The following ERG variants were observed in gnomAD, a reference collection of about 807,000 sequenced individuals.
The protein encoded by ERG is transcriptional regulator ERG.
ERG carries 9 observed loss-of-function variants against 55.3 expected under a neutral mutation model. The ratio of observed to expected loss-of-function variants is 0.16; its 90% CI spans 0.10 to 0.28. The LOEUF is 0.28. Among genes scored for constraint, ERG ranks in the 10% least tolerant of loss-of-function variants. The probability of loss-of-function intolerance (pLI) is 1.00; values close to 1 mark genes in which losing one functional copy is unlikely to be tolerated. For synonymous variants in ERG, 223 were observed against 237.3 expected (o/e 0.94, Z 0.55); for missense variants, 434 against 631.6 (o/e 0.69, Z 3.35).
At chr21:38,519,766 C>A (rs1424781745) in intron 2 of ERG, among the ~76,000 whole-genome samples, 2 of 152,156 alleles carry the variant, frequency 1.3e-5, no homozygotes, top group African/African-American at 4.8e-5. Context: ...CACCAGAAGT[C>A]ACCTACAAGA....
At chr21:38,548,796 T>C (rs565229990) in intron 2 of ERG, among the ~76,000 whole-genome samples, 1 of 147,806 alleles carries the variant, frequency 6.8e-6, no homozygotes, top group South Asian at 2.2e-4. Context: ...AACTGAACAG[T>C]TATTTGTAGA....
In ERG at chr21:38,451,624, A is replaced by G. The variant is rs145462989; in HGVS notation, c.19-6003T>C. Among the ~76,000 whole-genome samples, 283 of 152,364 alleles carry G rather than the reference A, an allele frequency of 1.9e-3. 1 individual carries two copies. Among genetic ancestry groups the G allele is most frequent in the African/African-American group, 6.4e-3 (267 of 41,592 alleles). Reference sequence around the variant, plus strand: ...GTTTATAGTTTCTCTTCAAGGCAGCACATATGCAGTAGATGCTTCTAAAAG... The same window carrying G: ...GTTTATAGTTTCTCTTCAAGGCAGCGCATATGCAGTAGATGCTTCTAAAAG... On this transcript the variant is annotated intron_variant, in intron 1 of 9. Coordinates refer to ENST00000288319, the MANE Select transcript of ERG (RefSeq NM_182918.4).
At chr21:38,536,679 A>ATG (rs142094743) in intron 2 of ERG, among the ~76,000 whole-genome samples, 10,289 of 152,304 alleles carry the variant, frequency 0.068, 469 homozygotes, top group Non-Finnish European at 0.098. Context: ...AAACAAGACA[A>ATG]TGGAAGTCTG....
At chr21:38,412,448 T>G (rs905050892) in intron 3 of ERG, among the ~76,000 whole-genome samples, 1 of 152,162 alleles carries the variant, frequency 6.6e-6, no homozygotes, top group African/African-American at 2.4e-5. Flanking sequence ...TACATGACAA[T>G]GTTCCCTCAT....
chr21:38,392,194 G>C (rs1988003503), intron 7 of ERG, 182 bp downstream of exon 7: 1 of 697,034 alleles, frequency 1.4e-6, no homozygotes, highest in Admixed American at 2.1e-5. Flanking sequence ...TGAAAGTCCT[G>C]ATGACCCAAA....
At chr21:38,533,573 G>T (rs1394581570) in intron 2 of ERG, among the ~76,000 whole-genome samples, 1 of 152,108 alleles carries the variant, frequency 6.6e-6, no homozygotes, top group Non-Finnish European at 1.5e-5. Flanking sequence ...AATTCTTGTT[G>T]TTTTTTCTGT....
intron 1 of ERG, among the ~76,000 whole-genome samples, chr21:38,613,824 A>ACC (rs894756568): frequency 6.6e-6 from 1 of 151,564 alleles, no homozygotes; most frequent in Non-Finnish European, 1.5e-5. Flanking sequence ...CTAGAAGGGG[A>ACC]CCCCCCCAAT....
intron 1 of ERG, chr21:38,471,466 G>A (rs185145967): frequency 1.3e-5 from 2 of 152,302 alleles, no homozygotes; most frequent in Admixed American, 1.3e-4. Flanking sequence ...CAAACCACTG[G>A]AACAGTTCTT....
chr21:38,563,160 G>A (rs2059903036), intron 2 of ERG, among the ~76,000 whole-genome samples: 1 of 152,192 alleles, frequency 6.6e-6, no homozygotes, highest in African/African-American at 2.4e-5. Flanking sequence ...GAATTTGAGG[G>A]GCAGTGAAAC....
the ERG span, among the ~76,000 whole-genome samples, chr21:38,373,720 G>A: frequency 6.6e-6 from 1 of 152,136 alleles, no homozygotes; most frequent in Non-Finnish European, 1.5e-5. Context: ...CAAAGTCAGG[G>A]CCTGTGTTCT....
intron 1 of ERG, among the ~76,000 whole-genome samples, chr21:38,645,232 C>G (rs1205102983): frequency 6.6e-6 from 1 of 152,152 alleles, no homozygotes; most frequent in Non-Finnish European, 1.5e-5. Context: ...CACTGTTGTA[C>G]AGTTAACGGC....
intron 1 of ERG, among the ~76,000 whole-genome samples, chr21:38,581,594 G>C (rs2060028937): frequency 6.6e-6 from 1 of 152,148 alleles, no homozygotes. Flanking sequence ...CTCAGGAGAG[G>C]AGAGGAGCTA....
intron 2 of ERG, among the ~76,000 whole-genome samples, chr21:38,547,560 G>A (rs1289937626): frequency 6.6e-6 from 1 of 152,168 alleles, no homozygotes; most frequent in African/African-American, 2.4e-5. Context: ...TCATTAAAGA[G>A]GGCGACTCGA....
chr21:38,546,254 T>C (rs1037923319), intron 2 of ERG, among the ~76,000 whole-genome samples: 6 of 152,198 alleles, frequency 3.9e-5, no homozygotes, highest in Admixed American at 6.5e-5. Context: ...TTTTTTTACT[T>C]CTTTTTATCT....
intron 2 of ERG, among the ~76,000 whole-genome samples, chr21:38,567,593 T>C (rs577864787): frequency 6.6e-6 from 1 of 152,326 alleles, no homozygotes; most frequent in African/African-American, 2.4e-5. Context: ...GCGGGGGAAC[T>C]CTGTCTCTTT....
At position 38,395,500 on chromosome 21, in the gene ERG, G is replaced by A. The variant is rs1340094153; in HGVS notation, c.746-3056C>T. 7 of 208,124 alleles carry A rather than the reference G, an allele frequency of 3.4e-5. No individual in the cohort carries two copies. In the East Asian group the frequency reaches 5.1e-4, roughly 15 times the overall value. The allele number at this position is 208,124 out of a possible 1,614,324, so 12.9% of individuals were successfully genotyped here. ...CTTTGACTTTGATCTTCAAGGCAAT[G>A]AACTCATATGCTTGGCAGAAGTGCC... On this transcript the variant is annotated intron_variant, in intron 6 of 9. Transcript: ENST00000288319.
At chr21:38,372,346 TATA>T in the ERG span, among the ~76,000 whole-genome samples, 4 of 152,026 alleles carry the variant, frequency 2.6e-5, no homozygotes, top group African/African-American at 4.8e-5. Flanking sequence ...CTGTTATCTT[TATA>T]ATATCCCACT....
At chr21:38,610,750 C>T (rs1291251798) in intron 1 of ERG, among the ~76,000 whole-genome samples, 4 of 152,198 alleles carry the variant, frequency 2.6e-5, no homozygotes, top group African/African-American at 7.2e-5. Context: ...CTGGACTGTG[C>T]ATCTTGGCCA....
At chr21:38,370,367 C>A in the ERG span, among the ~76,000 whole-genome samples, 2 of 152,002 alleles carry the variant, frequency 1.3e-5, no homozygotes, top group African/African-American at 4.8e-5. Context: ...TTTCTCCCAG[C>A]AGGTAGTTTA....
Sources: gnomAD v4.1 joint callset for allele counts (sites outside exome capture counted in the v4.1 genomes callset) on GRCh38, gnomAD v4.1.1 for gene constraint, MANE v1.5 for transcripts, NCBI Gene and HGNC (gene_info 2026-07-23, HGNC 2026-07-21) for gene names.